Variants in RNF150 observed in about 807,000 individuals in gnomAD.
RNF150 encodes ring finger protein 150.
In RNF150, 24 loss-of-function variants were observed where a neutral mutation model predicts 39.3. The observed-to-expected ratio is 0.61, with a 90% confidence interval of 0.44 to 0.86. RNF150 has a LOEUF of 0.86. Ranked by LOEUF, RNF150 falls within the 40% of genes least tolerant of loss-of-function variation. The probability of loss-of-function intolerance (pLI) is 0.00; values close to 1 mark genes in which losing one functional copy is unlikely to be tolerated. For missense variants in RNF150, 502 were observed against 587.8 expected (o/e 0.85, Z 1.51); for synonymous variants, 255 against 227.3 (o/e 1.12, Z -1.10).
chr4:141,128,894 G>A (rs1726823048), intron 1 of RNF150, among the ~76,000 whole-genome samples: 1 of 152,058 alleles, frequency 6.6e-6, no homozygotes, highest in Admixed American at 6.5e-5. Context: ...TAGTCATCAG[G>A]GAAATGAAAA....
At chr4:141,091,658 G>A (rs1485317941) in intron 1 of RNF150, among the ~76,000 whole-genome samples, 3 of 152,140 alleles carry the variant, frequency 2.0e-5, no homozygotes, top group Admixed American at 6.5e-5. Flanking sequence ...TTGAGCTAGA[G>A]TAGGTGTAGG....
At chr4:141,065,128 G>T (rs1259167912) in intron 1 of RNF150, among the ~76,000 whole-genome samples, 4 of 152,168 alleles carry the variant, frequency 2.6e-5, no homozygotes, top group Non-Finnish European at 5.9e-5. Context: ...GCCTCCCAAA[G>T]TGCTGGGATT....
intron 6 of RNF150, among the ~76,000 whole-genome samples, chr4:140,869,253 C>T (rs1281892419): frequency 1.3e-5 from 2 of 152,242 alleles, no homozygotes; most frequent in Non-Finnish European, 2.9e-5. Context: ...CATGAGAAGA[C>T]GTTCACAGTA....
At chr4:141,081,714 T>G (rs1738155408) in intron 1 of RNF150, among the ~76,000 whole-genome samples, 1 of 152,246 alleles carries the variant, frequency 6.6e-6, no homozygotes, top group Non-Finnish European at 1.5e-5. Context: ...AGTACGCGTG[T>G]GTGTACCTAC....
chr4:140,917,737 A>AT (rs1207078103), intron 5 of RNF150, among the ~76,000 whole-genome samples: 5 of 151,504 alleles, frequency 3.3e-5, no homozygotes, highest in African/African-American at 9.7e-5. Context: ...CAGAATATAC[A>AT]TTTTTTTTCA....
chr4:140,950,200 TGGTCTGCAATAGA>T (rs1732491581), intron 2 of RNF150, among the ~76,000 whole-genome samples: 1 of 152,236 alleles, frequency 6.6e-6, no homozygotes, highest in Non-Finnish European at 1.5e-5. Context: ...TATCTATTTC[TGGTCTGCAATAGA>T]TGTGTATCTG....
At chr4:140,977,497 T>C (rs1733706641) in intron 1 of RNF150, among the ~76,000 whole-genome samples, 1 of 152,144 alleles carries the variant, frequency 6.6e-6, no homozygotes, top group African/African-American at 2.4e-5. Context: ...GATGACATGA[T>C]TTGAGCCTTG....
intron 6 of RNF150, among the ~76,000 whole-genome samples, chr4:140,876,884 A>C (rs1289452165): frequency 6.6e-6 from 1 of 152,254 alleles, no homozygotes; most frequent in African/African-American, 2.4e-5. Flanking sequence ...TTGTTCAGAT[A>C]TAACTGACAG....
rs774799391 is a variant in RNF150, at chr4:140,967,781, T to C, written c.577A>G (p.Ile193Val). The change falls in exon 2 of 7, where the codon ATC becomes GTC. Residue 193 changes from isoleucine to valine, a missense_variant. Transcript: ENST00000515673. ...TGCAAGTTCCGGGTTCCGATGGTGA[T>C]GTACATTGTCACGGTGATGTTTCTT... ...LERNITVTMY[I>V]TIGTRNLQKY... 8 of 1,613,444 alleles carry C rather than the reference T, an allele frequency of 5.0e-6. No homozygotes were observed. In the Admixed American group the frequency reaches 8.3e-5, roughly 17 times the overall value.
intron 6 of RNF150, among the ~76,000 whole-genome samples, chr4:140,882,654 C>A (rs1037631883): frequency 3.0e-4 from 45 of 152,104 alleles, no homozygotes; most frequent in Admixed American, 3.3e-4. Context: ...GAATAATTAA[C>A]CTTTTAATCA....
intron 1 of RNF150, among the ~76,000 whole-genome samples, chr4:141,145,482 A>G (rs10519586): frequency 0.16 from 24,348 of 152,186 alleles, 2,540 homozygotes; most frequent in Non-Finnish European, 0.24. Flanking sequence ...ATATACATAG[A>G]TCATTTCCAG....
At chr4:140,970,324 A>G (rs1391052174) in intron 1 of RNF150, among the ~76,000 whole-genome samples, 2 of 152,152 alleles carry the variant, frequency 1.3e-5, no homozygotes, top group Non-Finnish European at 2.9e-5. Flanking sequence ...CCCCTAAATT[A>G]TCAGATATAT....
At chr4:140,955,820 T>A (rs1158567716) in intron 2 of RNF150, among the ~76,000 whole-genome samples, 1 of 152,230 alleles carries the variant, frequency 6.6e-6, no homozygotes, top group African/African-American at 2.4e-5. Context: ...AAGTTCATGT[T>A]TATTTTAAAT....
At chr4:141,006,825 T>C (rs1446311411) in intron 1 of RNF150, among the ~76,000 whole-genome samples, 1 of 152,238 alleles carries the variant, frequency 6.6e-6, no homozygotes, top group Non-Finnish European at 1.5e-5. Flanking sequence ...TTCAGAATTG[T>C]ATTTGAGAGC....
At chr4:140,908,130 A>G (rs1730462136) in intron 6 of RNF150, among the ~76,000 whole-genome samples, 1 of 152,268 alleles carries the variant, frequency 6.6e-6, no homozygotes, top group Middle Eastern at 3.2e-3. Context: ...GAATAGCATT[A>G]GAGTTGAGTA....
upstream of RNF150, among the ~76,000 whole-genome samples, chr4:141,136,997 A>C (rs758865762): frequency 2.0e-5 from 3 of 152,214 alleles, no homozygotes; most frequent in Non-Finnish European, 4.4e-5. Context: ...TCTGAGTATA[A>C]GTACAATCTG....
rs116798978 is a variant in RNF150 at position 141,119,066 on chromosome 4, C to T, written c.484+13259G>A. ...ATGAGGCACCGCACCCAGCCATATA[C>T]ACACGAGATTAAATTCATTTTGGAG... On this transcript the variant is annotated intron_variant, in intron 1 of 6. Coordinates refer to ENST00000515673, the MANE Select transcript of RNF150 (RefSeq NM_020724.2). Among the ~76,000 whole-genome samples the T allele has an allele frequency of 6.4e-3, 977 of 152,246 alleles. 5 individuals carry two copies. The highest frequency in any genetic ancestry group is 0.022 in the African/African-American group (912 of 41,536).
intron 1 of RNF150, among the ~76,000 whole-genome samples, chr4:141,119,094 C>T (rs1301980740): frequency 1.3e-5 from 2 of 152,162 alleles, no homozygotes; most frequent in African/African-American, 2.4e-5. Flanking sequence ...TTTTGGAGCA[C>T]ACTTCAATTA....
intron 1 of RNF150, among the ~76,000 whole-genome samples, chr4:141,000,021 AAG>A (rs1734571446): frequency 2.3e-4 from 6 of 26,054 alleles, no homozygotes; most frequent in Non-Finnish European, 6.1e-4. Context: ...GAAGAAGAAG[AAG>A]AAGAAGAAGA....
Sources: gnomAD v4.1 joint callset for allele counts (sites outside exome capture counted in the v4.1 genomes callset) on GRCh38, gnomAD v4.1.1 for gene constraint, MANE v1.5 for transcripts, NCBI Gene and HGNC (gene_info 2026-07-23, HGNC 2026-07-21) for gene names.